Variants in RBM28 observed in about 807,000 individuals in gnomAD.
RBM28 encodes RNA binding motif protein 28, also known as RNA-binding protein 28.
A neutral mutation model predicts 98.3 loss-of-function variants in RBM28; 78 were observed. That is an observed-to-expected ratio of 0.79 (90% CI 0.66 to 0.96). The LOEUF (loss-of-function observed/expected upper bound fraction) is 0.96. Among genes scored for constraint, RBM28 ranks in the 40% least tolerant of loss-of-function variants. The pLI, the probability that RBM28 is intolerant of heterozygous loss-of-function variation, is 0.00. For missense variants in RBM28, 838 were observed against 913.0 expected (o/e 0.92, Z 1.06); for synonymous variants, 306 against 330.9 (o/e 0.92, Z 0.82).
rs1005363213 is a variant in RBM28 at position 128,310,789 on chromosome 7, T to C, written c.*8A>G. The C allele has an allele frequency of 6.2e-7, 1 of 1,614,084 alleles. No individual in the cohort carries two copies. The highest frequency in any genetic ancestry group is 1.3e-5 in the African/African-American group (1 of 75,062). On this transcript the variant is annotated 3_prime_UTR_variant, in exon 19 of 19. Transcript: ENST00000223073. ...CAACCCAGCTTCTTACCCAGCCTGC[T>C]GCCATCATCAACTATCAAACCATTT...
At chr7:128,338,683 T>G in intron 4 of RBM28, 43 bp downstream of exon 4, 1 of 1,351,822 alleles carries the variant, frequency 7.4e-7, no homozygotes, top group Non-Finnish European at 1.1e-6. Flanking sequence ...AAGGGTAATA[T>G]GTTAACTAAC....
rs1050742742 is a variant in RBM28, at chr7:128,306,337, G to A, written c.*4460C>T. On this transcript the variant is annotated 3_prime_UTR_variant, in exon 19 of 19. Coordinates refer to ENST00000223073, the MANE Select transcript of RBM28 (RefSeq NM_018077.3). Reference sequence around the variant, plus strand: ...TACGGTGGTACACTCAAGGCACTGTGAACAGCAGTTTATTATTATTTTTTC... The same window carrying A: ...TACGGTGGTACACTCAAGGCACTGTAAACAGCAGTTTATTATTATTTTTTC... 3.3e-4 allele frequency: 50 copies of A among 152,326 alleles called. No homozygotes were observed. The highest frequency in any genetic ancestry group is 1.2e-3 in the African/African-American group (49 of 41,576). The allele number at this position is 152,326 out of a possible 1,614,324, so 9.4% of individuals were successfully genotyped here.
rs537598461 is a variant in RBM28 at position 128,321,698 on chromosome 7, A to T, written c.1405-274T>A. Among the ~76,000 whole-genome samples, 24 of 152,318 alleles carry T rather than the reference A, an allele frequency of 1.6e-4. No individual in the cohort carries two copies. In the East Asian group the frequency reaches 2.7e-3, roughly 17 times the overall value. ...TAAAATTTTAAAGCCACAATTTTTCATCTATAAAACGAAACAGTAGATCAA... is the reference window on the plus strand; with the variant it reads ...TAAAATTTTAAAGCCACAATTTTTCTTCTATAAAACGAAACAGTAGATCAA... On this transcript the variant is annotated intron_variant, in intron 13 of 18. Transcript: ENST00000223073.
rs913873127 is a variant in RBM28 at position 128,306,554 on chromosome 7, T to A, written c.*4243A>T. 1 of 152,106 alleles carries A rather than the reference T, an allele frequency of 6.6e-6. No individual in the cohort carries two copies. Among genetic ancestry groups the A allele is most frequent in the Non-Finnish European group, 1.5e-5 (1 of 68,018 alleles). 9.4% of individuals were successfully genotyped at this position (152,106 alleles called of 1,614,324 possible). A position where few individuals can be genotyped will look rare whatever the true frequency, so the allele number is the denominator to read the frequency against. ...AGTCCCTGCCTTAAAGGACAAGAAA[T>A]GATTTTCCCTTTATCAAATGTCCAG... is the stretch of plus-strand genomic sequence containing the variant. On this transcript the variant is annotated 3_prime_UTR_variant, in exon 19 of 19. Coordinates refer to ENST00000223073, the MANE Select transcript of RBM28 (RefSeq NM_018077.3).
chr7:128,321,097 A>T (rs1004783492), intron 14 of RBM28, among the ~76,000 whole-genome samples, 169 bp downstream of exon 14: 1 of 152,198 alleles, frequency 6.6e-6, no homozygotes, highest in South Asian at 2.1e-4. Flanking sequence ...GCCCAGGAGG[A>T]GGAGGTTGCA....
At position 128,339,646 on chromosome 7, in the gene RBM28, T is replaced by C. The variant is rs149446061; in HGVS notation, c.264A>G (p.Glu88=). The C allele has an allele frequency of 1.9e-4, 313 of 1,614,004 alleles. 3 individuals are homozygous for C. The highest frequency in any genetic ancestry group is 6.2e-4 in the Admixed American group (37 of 60,010). ...AKKKLRNKTK[E]KGKNENSECP... ...CTAGAAACTCACCATTTTTCCCCTT[T>C]TCCTTTGTCTTGTTCCTCAGTTTTT... is the stretch of plus-strand genomic sequence containing the variant. Residue 88 remains glutamate, a synonymous_variant, in exon 2 of 19, where the codon GAA becomes GAG. Transcript: ENST00000223073.
At chr7:128,328,509 G>A (rs1796402584) in intron 10 of RBM28, among the ~76,000 whole-genome samples, 1 of 152,122 alleles carries the variant, frequency 6.6e-6, no homozygotes, top group East Asian at 1.9e-4. Context: ...AGCTAGGGAA[G>A]GACAATACAT....
At chr7:128,320,270 G>A (rs1426940570) in intron 14 of RBM28, among the ~76,000 whole-genome samples, 1 of 108,628 alleles carries the variant, frequency 9.2e-6, no homozygotes, top group Non-Finnish European at 1.7e-5. Context: ...GCATGGTGGT[G>A]TGTAACTATA....
chr7:128,320,325 TG>T (rs747634206), intron 14 of RBM28, among the ~76,000 whole-genome samples: 12 of 1,444 alleles, frequency 8.3e-3, no homozygotes, highest in African/African-American at 0.028. Context: ...TGCTTGAGCT[TG>T]GGGGGGGGGG....
chr7:128,336,172 C>T, intron 6 of RBM28, 130 bp from the exon 7 acceptor site: 1 of 841,152 alleles, frequency 1.2e-6, no homozygotes, highest in Non-Finnish European at 1.8e-6. Context: ...TTTCTTACTG[C>T]ATATAACAGG....
At position 128,335,914 on chromosome 7, in the gene RBM28, C is replaced by A. The variant is rs376483390; in HGVS notation, c.742G>T (p.Asp248Tyr). 1 of 1,611,686 alleles carries A rather than the reference C, an allele frequency of 6.2e-7. No homozygotes were observed. Among genetic ancestry groups the A allele is most frequent in the Non-Finnish European group, 8.5e-7 (1 of 1,178,026 alleles). The change falls in exon 7 of 19, where the codon GAT becomes TAT. Residue 248 changes from aspartate to tyrosine, a missense_variant. By Grantham distance (160) the Asp-to-Tyr change is radical (BLOSUM62 -3). Transcript: ENST00000223073. ...DDDDEEDGVF[D>Y]DEDEEEENIE... is the part of the protein sequence containing the mutation. ...TTCTCTTCCTCTTCATCTTCATCAT[C>A]AAAAACCCCATCTTCTTCATCATCA...
At chr7:128,330,763 G>T in intron 10 of RBM28, 56 bp downstream of exon 10, 1 of 1,215,640 alleles carries the variant, frequency 8.2e-7, no homozygotes, top group Non-Finnish European at 1.2e-6. Context: ...AACCTAGTCA[G>T]TGCCCACGGC....
At position 128,330,808 on chromosome 7, in the gene RBM28, A is replaced by C; in HGVS notation, c.1129+11T>G. ...AACCCTTTTAGGGCCTGGCCAGCTG[A>C]CAACACATACCTTTAGAATGCTCTG... On this transcript the variant is annotated intron_variant, in intron 10 of 18. Transcript: ENST00000223073. 2 of 1,600,232 alleles carry C rather than the reference A, an allele frequency of 1.2e-6. No homozygotes were observed. The highest frequency in any genetic ancestry group is 1.7e-6 in the Non-Finnish European group (2 of 1,167,370).
In RBM28 at chr7:128,321,308, C is replaced by T; in HGVS notation, c.1521G>A (p.Leu507=). 2 of 1,614,236 alleles carry T rather than the reference C, an allele frequency of 1.2e-6. No homozygotes were observed. The highest frequency in any genetic ancestry group is 1.7e-6 in the Non-Finnish European group (2 of 1,180,040). The change falls in exon 14 of 19, where the codon CTG becomes CTA. Residue 507 remains leucine, a synonymous_variant. Transcript: ENST00000223073. ...AVDDKQLRKL[L]LSATSGEKGV... is the part of the protein sequence containing the mutation. Reference sequence around the variant, plus strand: ...CTTTCTCTCCACTAGTAGCACTCAGCAGCAGCTTTCTGAGCTGTTTGTCAT... The same window carrying T: ...CTTTCTCTCCACTAGTAGCACTCAGTAGCAGCTTTCTGAGCTGTTTGTCAT...
chr7:128,328,733 C>G (rs1057222171), intron 10 of RBM28, among the ~76,000 whole-genome samples: 1 of 152,136 alleles, frequency 6.6e-6, no homozygotes, highest in Non-Finnish European at 1.5e-5. Context: ...TTCAAATTGT[C>G]TAAAAACATT....
chr7:128,313,686 G>A (rs983313221), intron 17 of RBM28, among the ~76,000 whole-genome samples: 4 of 152,172 alleles, frequency 2.6e-5, no homozygotes, highest in Non-Finnish European at 1.5e-5. Context: ...CCCCAGTGTT[G>A]AAGGCTGGGC....
chr7:128,337,314 G>T, intron 5 of RBM28, 112 bp from the exon 6 acceptor site: 1 of 1,007,458 alleles, frequency 9.9e-7, no homozygotes. Context: ...CAAAGAAACT[G>T]CCAATTCAGG....
chr7:128,311,988 C>G (rs1795994239), intron 18 of RBM28, among the ~76,000 whole-genome samples: 1 of 152,158 alleles, frequency 6.6e-6, no homozygotes. Flanking sequence ...GGAACTTCAT[C>G]AATGGAGGGA....
At chr7:128,337,840 T>TA in intron 5 of RBM28, among the ~76,000 whole-genome samples, 1 of 152,244 alleles carries the variant, frequency 6.6e-6, no homozygotes, top group South Asian at 2.1e-4. Context: ...GGATTACAGG[T>TA]GTGAGCCACC....
Sources: allele counts gnomAD v4.1 joint callset (sites outside exome capture counted in the v4.1 genomes callset), GRCh38; gene constraint gnomAD v4.1.1; transcripts MANE v1.5; gene names NCBI Gene and HGNC (gene_info 2026-07-23, HGNC 2026-07-21).